Variants in TMEM150C observed in about 807,000 individuals in gnomAD.
The protein encoded by TMEM150C is tentonin 3.
TMEM150C carries 10 observed loss-of-function variants against 29.9 expected under a neutral mutation model. The ratio of observed to expected loss-of-function variants is 0.33; its 90% CI spans 0.21 to 0.57. The LOEUF is 0.57. Among genes scored for constraint, TMEM150C ranks in the 20% least tolerant of loss-of-function variants. TMEM150C has a pLI of 0.88. For synonymous variants in TMEM150C, 101 were observed against 112.5 expected, an observed-to-expected ratio of 0.90 and a Z score of 0.64; for missense variants, 251 against 303.6, an observed-to-expected ratio of 0.83 and a Z score of 1.29.
intron 1 of TMEM150C, among the ~76,000 whole-genome samples, chr4:82,534,835 AAGGGGGC>A (rs1339793614): frequency 2.0e-4 from 31 of 152,334 alleles, no homozygotes; most frequent in African/African-American, 7.2e-4. Flanking sequence ...GAGAGCCATG[AAGGGGGC>A]TGGCCTAACA....
At chr4:82,553,080 G>T (rs531439515) in intron 1 of TMEM150C, among the ~76,000 whole-genome samples, 1 of 152,188 alleles carries the variant, frequency 6.6e-6, no homozygotes, top group Non-Finnish European at 1.5e-5. Context: ...CCAGTGCATT[G>T]TCACCTTTAT....
chr4:82,555,977 T>C (rs888604816), intron 1 of TMEM150C, among the ~76,000 whole-genome samples: 1 of 152,248 alleles, frequency 6.6e-6, no homozygotes, highest in Non-Finnish European at 1.5e-5. Context: ...TATACACTTA[T>C]GTAACAATAA....
upstream of TMEM150C, chr4:82,562,095 G>A (rs1725959292): frequency 1.6e-6 from 2 of 1,215,124 alleles, no homozygotes; most frequent in Non-Finnish European, 2.1e-6. Flanking sequence ...CCGCTGCTAG[G>A]CCTTCGGGGA....
intron 1 of TMEM150C, among the ~76,000 whole-genome samples, chr4:82,553,694 C>A (rs1725653056): frequency 6.6e-6 from 1 of 152,186 alleles, no homozygotes; most frequent in Non-Finnish European, 1.5e-5. Flanking sequence ...CAAATATTGT[C>A]CAATAGCTAA....
chr4:82,552,907 G>A (rs868670252), intron 1 of TMEM150C, among the ~76,000 whole-genome samples: 3 of 152,190 alleles, frequency 2.0e-5, no homozygotes, highest in South Asian at 2.1e-4. Context: ...CCCAGTGGAA[G>A]GGTGCTGCAT....
At chr4:82,502,083 TG>T (rs899446507) in intron 5 of TMEM150C, among the ~76,000 whole-genome samples, 3 of 152,202 alleles carry the variant, frequency 2.0e-5, no homozygotes, top group Admixed American at 2.0e-4. Context: ...AGTGCATGGC[TG>T]GTTCCCACCA....
intron 1 of TMEM150C, among the ~76,000 whole-genome samples, chr4:82,521,388 C>T (rs1724479593): frequency 6.6e-6 from 1 of 152,106 alleles, no homozygotes; most frequent in African/African-American, 2.4e-5. Flanking sequence ...CACTGTGCTA[C>T]CAAATGGGAA....
chr4:82,534,845 GC>G (rs1428008196), intron 1 of TMEM150C, among the ~76,000 whole-genome samples: 2 of 152,088 alleles, frequency 1.3e-5, no homozygotes, highest in African/African-American at 4.8e-5. Flanking sequence ...AAGGGGGCTG[GC>G]CTAACATATG....
At chr4:82,503,436 C>T (rs1279780410) in intron 2 of TMEM150C, among the ~76,000 whole-genome samples, 1 of 152,166 alleles carries the variant, frequency 6.6e-6, no homozygotes, top group Non-Finnish European at 1.5e-5. Context: ...ATGTGTCCTA[C>T]CTTTCCTAAC....
chr4:82,540,089 T>C (rs1725147664), intron 1 of TMEM150C, among the ~76,000 whole-genome samples: 1 of 145,520 alleles, frequency 6.9e-6, no homozygotes, highest in African/African-American at 2.5e-5. Context: ...AAATAAGTCA[T>C]AGTCATTCAA....
At chr4:82,562,176 CG>C, upstream of TMEM150C, 2 of 1,281,966 alleles carry the variant, frequency 1.6e-6, no homozygotes, top group Middle Eastern at 2.2e-4. Flanking sequence ...GGGCAGGAGC[CG>C]GGTGTGGGCG....
At chr4:82,494,847 C>A in intron 6 of TMEM150C, 1 of 382,996 alleles carries the variant, frequency 2.6e-6, no homozygotes, top group Non-Finnish European at 5.1e-6. Context: ...TTTTTCCTGA[C>A]TAGATTCAGA....
At chr4:82,516,985 C>T (rs574427014) in intron 1 of TMEM150C, among the ~76,000 whole-genome samples, 18 of 152,318 alleles carry the variant, frequency 1.2e-4, no homozygotes, top group Admixed American at 4.6e-4. Context: ...CTCCCCAGAA[C>T]GCTTAGGACC....
chr4:82,491,945 T>C (rs1723365254), intron 6 of TMEM150C, among the ~76,000 whole-genome samples: 1 of 152,038 alleles, frequency 6.6e-6, no homozygotes, highest in Non-Finnish European at 1.5e-5. Flanking sequence ...TGTTTTTTTT[T>C]TTGGTTTTTT....
At chr4:82,486,454 T>C (rs752301873) in intron 7 of TMEM150C, among the ~76,000 whole-genome samples, 6 of 151,358 alleles carry the variant, frequency 4.0e-5, no homozygotes, top group Non-Finnish European at 5.9e-5. Context: ...ACTGCCGACA[T>C]GTAAGTTGTG....
At chr4:82,521,543 GATTA>G (rs1444173476) in intron 1 of TMEM150C, among the ~76,000 whole-genome samples, 1 of 152,242 alleles carries the variant, frequency 6.6e-6, no homozygotes, top group African/African-American at 2.4e-5. Context: ...CAGTACGAGT[GATTA>G]ATTCTGACCA....
At chr4:82,531,615 C>G (rs969362299) in intron 1 of TMEM150C, among the ~76,000 whole-genome samples, 1 of 151,808 alleles carries the variant, frequency 6.6e-6, no homozygotes, top group African/African-American at 2.4e-5. Context: ...ATTAGCTGGG[C>G]GTAGTGGCAC....
chr4:82,505,655 G>A (rs1272974135), intron 1 of TMEM150C, among the ~76,000 whole-genome samples: 3 of 152,060 alleles, frequency 2.0e-5, no homozygotes, highest in East Asian at 1.9e-4. Flanking sequence ...AGCAGCAATC[G>A]CAGGAGACTA....
upstream of TMEM150C, chr4:82,562,077 T>TGG: frequency 8.5e-7 from 1 of 1,180,864 alleles, no homozygotes; most frequent in Non-Finnish European, 1.1e-6. Context: ...CGACTTATTC[T>TGG]GGGGTCCCCG....
Sources: allele counts gnomAD v4.1 joint callset (sites outside exome capture counted in the v4.1 genomes callset), GRCh38; gene constraint gnomAD v4.1.1; transcripts MANE v1.5; gene names NCBI Gene and HGNC (gene_info 2026-07-23, HGNC 2026-07-21).